Variants in FGFR2 observed in about 807,000 individuals in gnomAD.
FGFR2 encodes BEK fibroblast growth factor receptor.
Under a neutral mutation model 95.9 loss-of-function variants are expected in FGFR2, and 19 were observed. That is an observed-to-expected ratio of 0.20 (90% CI 0.14 to 0.29). The LOEUF (loss-of-function observed/expected upper bound fraction) is 0.29, where lower values mean the gene tolerates loss of function less well. Ranked by LOEUF, FGFR2 falls within the 10% of genes least tolerant of loss-of-function variation. The pLI is 1.00. For missense variants in FGFR2, 707 were observed against 1,056.9 expected (o/e 0.67, Z 4.59); for synonymous variants, 392 against 393.3 (o/e 1.00, Z 0.04).
chr10:121,557,350 C>T (rs1856297954), intron 4 of FGFR2, among the ~76,000 whole-genome samples: 1 of 152,188 alleles, frequency 6.6e-6, no homozygotes. Context: ...GCTCCGTTGC[C>T]CAGGCTGCAC....
chr10:121,535,904 T>G (rs1413305457), intron 6 of FGFR2, among the ~76,000 whole-genome samples: 1 of 152,166 alleles, frequency 6.6e-6, no homozygotes, highest in Non-Finnish European at 1.5e-5. Flanking sequence ...AGAATTTCAA[T>G]AAAAAGATCT....
chr10:121,581,933 A>ATT (rs1554861668), intron 2 of FGFR2, among the ~76,000 whole-genome samples: 35 of 113,204 alleles, frequency 3.1e-4, no homozygotes, highest in East Asian at 1.0e-3. Context: ...ATTTATTTTG[A>ATT]TTTTTTTTTT....
chr10:121,483,928 C>T (rs1845085355), intron 16 of FGFR2, 125 bp from the exon 17 acceptor site: 3 of 724,984 alleles, frequency 4.1e-6, no homozygotes, highest in Non-Finnish European at 7.3e-6. Context: ...TTCCAAGCAA[C>T]TAGATTAGGG....
At chr10:121,536,611 ACTC>A (rs1234960425) in intron 6 of FGFR2, among the ~76,000 whole-genome samples, 1 of 152,074 alleles carries the variant, frequency 6.6e-6, no homozygotes, top group African/African-American at 2.4e-5. Context: ...CCAACCCTAA[ACTC>A]TAAGAGAGAT....
In FGFR2 at chr10:121,515,575, G is replaced by T. The variant is rs4647918; in HGVS notation, c.1085-256C>A. Among the ~76,000 whole-genome samples the T allele has an allele frequency of 0.014, 2,139 of 152,080 alleles. 52 individuals carry two copies. The highest frequency in any genetic ancestry group is 0.049 in the African/African-American group (2,012 of 41,468). ...GAGTGGTTGACACCCAGTTGCACAG[G>T]GCAGGCTATGAGGCCACATTTTGTT... On this transcript the variant is annotated intron_variant, in intron 8 of 17. Coordinates refer to ENST00000358487, the MANE Select transcript of FGFR2 (RefSeq NM_000141.5).
chr10:121,505,798 C>G (rs1230400538), intron 9 of FGFR2, among the ~76,000 whole-genome samples: 3 of 152,192 alleles, frequency 2.0e-5, no homozygotes, highest in Non-Finnish European at 4.4e-5. Context: ...TGCATTGGTC[C>G]ACAGGAACAT....
At chr10:121,528,738 T>C (rs571322966) in intron 6 of FGFR2, among the ~76,000 whole-genome samples, 1 of 152,312 alleles carries the variant, frequency 6.6e-6, no homozygotes, top group South Asian at 2.1e-4. Flanking sequence ...AAGTACAGCA[T>C]GACCTAAAGA....
At chr10:121,481,901 A>AT in intron 17 of FGFR2, 1 of 249,262 alleles carries the variant, frequency 4.0e-6, no homozygotes, top group Non-Finnish European at 7.3e-6. Context: ...CAATGGCATG[A>AT]TCTCGGCTCA....
At chr10:121,583,962 G>A (rs1317347894) in intron 2 of FGFR2, among the ~76,000 whole-genome samples, 1 of 152,012 alleles carries the variant, frequency 6.6e-6, no homozygotes, top group East Asian at 1.9e-4. Flanking sequence ...GATAATATAT[G>A]TTAAAGTACC....
At chr10:121,520,851 T>A (rs2981446) in intron 6 of FGFR2, among the ~76,000 whole-genome samples, 1 of 152,108 alleles carries the variant, frequency 6.6e-6, no homozygotes, top group East Asian at 1.9e-4. Flanking sequence ...TCATGTTGCC[T>A]GGGCTGGTCT....
Position 121,563,381 on chromosome 10 carries a change from A to T in FGFR2, c.454+1121T>A, listed in dbSNP as rs572917483. Reference sequence around the variant, plus strand: ...AGAACAAGACTGCATCTCGGGAAAAAATATATATATATACATAAATTAGCC... The same window carrying T: ...AGAACAAGACTGCATCTCGGGAAAATATATATATATATACATAAATTAGCC... On this transcript the variant is annotated intron_variant, in intron 4 of 17. Coordinates refer to ENST00000358487, the MANE Select transcript of FGFR2 (RefSeq NM_000141.5). 8.6e-5 allele frequency among the ~76,000 whole-genome samples: 13 copies of T among 151,846 alleles called. No homozygotes were observed. In the South Asian group the frequency reaches 2.7e-3, roughly 32 times the overall value.
At chr10:121,561,833 T>C (rs906154611) in intron 4 of FGFR2, among the ~76,000 whole-genome samples, 13 of 152,222 alleles carry the variant, frequency 8.5e-5, no homozygotes, top group Non-Finnish European at 1.2e-4. Flanking sequence ...AGAACTCTTA[T>C]AACTCGACAG....
chr10:121,534,229 G>A (rs1366212351), intron 6 of FGFR2, among the ~76,000 whole-genome samples: 3 of 151,164 alleles, frequency 2.0e-5, no homozygotes, highest in Non-Finnish European at 4.4e-5. Context: ...CTCCTGAGTA[G>A]CTGGGATTAC....
intron 6 of FGFR2, chr10:121,526,662 C>A (rs942118166): frequency 7.5e-6 from 3 of 398,522 alleles, no homozygotes; most frequent in Non-Finnish European, 1.3e-5. Flanking sequence ...GTGCCCACAG[C>A]CAGTATCTTG....
chr10:121,596,095 A>C lies in FGFR2; in HGVS notation c.-151+1867T>G, dbSNP rs1186591599. On this transcript the variant is annotated intron_variant, in intron 1 of 17. Transcript: ENST00000358487. The stretch of plus-strand genomic sequence containing the variant: ...GCCACAATCCCGGCTTCCTGCCTTC[A>C]ATACCATAATCCTTCCTGGAGTCTG... Among the ~76,000 whole-genome samples, 7 of 152,324 alleles carry C rather than the reference A, an allele frequency of 4.6e-5. No homozygotes were observed. The East Asian group carries it at 1.4e-3, about 29-fold the overall frequency.
At chr10:121,542,254 C>T (rs1853876729) in intron 5 of FGFR2, among the ~76,000 whole-genome samples, 1 of 152,144 alleles carries the variant, frequency 6.6e-6, no homozygotes, top group African/African-American at 2.4e-5. Flanking sequence ...TGACTATAAA[C>T]ACAGCTAAAA....
In FGFR2 at chr10:121,593,966, C is replaced by A; in HGVS notation, c.-149G>T. The A allele has an allele frequency of 2.7e-6, 2 of 747,152 alleles. No homozygotes were observed. The highest frequency in any genetic ancestry group is 5.4e-5 in the East Asian group (2 of 37,376). 46.3% of individuals were successfully genotyped at this position (747,152 alleles called of 1,614,324 possible). A position where few individuals can be genotyped will look rare whatever the true frequency, so the allele number is the denominator to read the frequency against. The stretch of plus-strand genomic sequence containing the variant: ...GAGGCGCTGCCGCTGCTGCTGCAGT[C>A]ACTAAAGGAAAGAGATTGGCGAGTC... On this transcript the variant is annotated splice_region_variant and 5_prime_UTR_variant, in exon 2 of 18. Transcript: ENST00000358487.
intron 2 of FGFR2, among the ~76,000 whole-genome samples, chr10:121,576,478 C>T (rs1382379712): frequency 1.3e-5 from 2 of 152,262 alleles, no homozygotes; most frequent in African/African-American, 4.8e-5. Context: ...TGGGGAAAAC[C>T]CTTTCATCAA....
chr10:121,487,252 T>C (rs894858750), intron 15 of FGFR2, 102 bp downstream of exon 15: 2 of 876,512 alleles, frequency 2.3e-6, no homozygotes, highest in Non-Finnish European at 3.8e-6. Flanking sequence ...TCTACGAATG[T>C]GTGAAATGCA....
Sources: gnomAD v4.1 joint callset for allele counts (sites outside exome capture counted in the v4.1 genomes callset) on GRCh38, gnomAD v4.1.1 for gene constraint, MANE v1.5 for transcripts, NCBI Gene and HGNC (gene_info 2026-07-23, HGNC 2026-07-21) for gene names.